Variants in MICAL3 observed in about 807,000 individuals in gnomAD.
MICAL3 encodes the protein [F-actin]-monooxygenase MICAL3.
A neutral mutation model predicts 207.4 loss-of-function variants in MICAL3; 62 were observed. The ratio of observed to expected loss-of-function variants is 0.30; its 90% CI spans 0.24 to 0.37. The LOEUF (loss-of-function observed/expected upper bound fraction) is 0.37, where lower values mean the gene tolerates loss of function less well. Ranked by LOEUF, MICAL3 falls within the 10% of genes least tolerant of loss-of-function variation. The pLI is 1.00. For missense variants in MICAL3, 2,368 were observed against 2,635.6 expected, an observed-to-expected ratio of 0.90 and a Z score of 2.22; for synonymous variants, 1,077 against 1,069.3, an observed-to-expected ratio of 1.01 and a Z score of -0.14.
chr22:17,848,302 T>C (rs941847063), intron 19 of MICAL3, among the ~76,000 whole-genome samples: 2 of 152,180 alleles, frequency 1.3e-5, no homozygotes, highest in African/African-American at 4.8e-5. Flanking sequence ...TCCATCTGTT[T>C]GATCCCGTTC....
Position 17,902,706 on chromosome 22 carries a change from T to C in MICAL3, c.514A>G (p.Ile172Val). ...LQLILLKVAL[I>V]LGIEIHVNVE... ...TTGACGTGGATTTCAATGCCTAGGATCAAGGCTACTTTCAAAAGTATTAGT... is the reference window on the plus strand; with the variant it reads ...TTGACGTGGATTTCAATGCCTAGGACCAAGGCTACTTTCAAAAGTATTAGT... Residue 172 changes from isoleucine (I) to valine (V), a missense_variant, in exon 4 of 32, where the codon ATC becomes GTC. By Grantham distance (29) the Ile-to-Val change is conservative. Around this residue, in one of 4 missense-constraint regions of MICAL3, gnomAD observed 400 missense variants for 547.0 expected, o/e 0.73. Coordinates refer to ENST00000441493, the MANE Select transcript of MICAL3 (RefSeq NM_015241.3). This position sits in a 1 kb window ranked among gnomAD's most constrained non-coding sequence, Gnocchi z 4.5. 6.2e-7 allele frequency: 1 copy of C among 1,605,462 alleles called. No homozygotes were observed. Among genetic ancestry groups the C allele is most frequent in the Non-Finnish European group, 8.5e-7 (1 of 1,175,328 alleles).
chr22:17,963,079 T>C (rs868354451), intron 1 of MICAL3, among the ~76,000 whole-genome samples: 1 of 152,112 alleles, frequency 6.6e-6, no homozygotes, highest in Non-Finnish European at 1.5e-5. Flanking sequence ...TTCCAATCAA[T>C]AATTTAACTT....
intron 29 of MICAL3, among the ~76,000 whole-genome samples, chr22:17,795,460 G>C (rs369810863): frequency 4.5e-4 from 69 of 152,338 alleles, no homozygotes; most frequent in African/African-American, 1.6e-3. Context: ...GCAGGCGCCT[G>C]CACGGGTAAT....
In MICAL3 at chr22:17,976,587, A is replaced by ATTTTTTT. The variant is rs1204825142; in HGVS notation, c.-75+47693_-75+47694insAAAAAAA. On this transcript the variant is annotated intron_variant, in intron 1 of 31. Coordinates refer to ENST00000441493, the MANE Select transcript of MICAL3 (RefSeq NM_015241.3). ...TATATATATATATATATATATATAT[A>ATTTTTTT]TATTTTTTTTTTTTTTTTTTGAGAC... Among the ~76,000 whole-genome samples, 6 of 80,294 alleles carry ATTTTTTT rather than the reference A, an allele frequency of 7.5e-5. No individual in the cohort carries two copies. In the East Asian group the frequency reaches 1.4e-3, roughly 18 times the overall value. The allele number at this position is 80,294 out of a possible 152,430, so 52.7% of individuals were successfully genotyped here.
At chr22:17,802,030 G>A (rs994478936) in intron 29 of MICAL3, among the ~76,000 whole-genome samples, 2 of 151,968 alleles carry the variant, frequency 1.3e-5, no homozygotes, top group Admixed American at 1.3e-4. Flanking sequence ...GCGTTCTGAC[G>A]GCCCCTTCCA....
intron 1 of MICAL3, among the ~76,000 whole-genome samples, chr22:17,994,538 G>A (rs1213660796): frequency 6.6e-6 from 1 of 152,162 alleles, no homozygotes; most frequent in Non-Finnish European, 1.5e-5. Flanking sequence ...CACAGAGAGA[G>A]CTTGTCTCTC....
chr22:17,902,451 C>G lies in MICAL3; in HGVS notation c.589+180G>C, dbSNP rs1931402036. 6.6e-6 allele frequency among the ~76,000 whole-genome samples: 1 copy of G among 152,202 alleles called. No individual in the cohort carries two copies. Among genetic ancestry groups the G allele is most frequent in the Admixed American group, 6.5e-5 (1 of 15,282 alleles). Reference sequence around the variant, plus strand: ...AGCCTTGCAGAGGGCTCACGGGGCCCTTCCCACCACATGTGCGCCTGCGAC... The same window carrying G: ...AGCCTTGCAGAGGGCTCACGGGGCCGTTCCCACCACATGTGCGCCTGCGAC... On this transcript the variant is annotated intron_variant, in intron 4 of 31. Transcript: ENST00000441493. This position sits in a 1 kb window ranked among gnomAD's most constrained non-coding sequence, Gnocchi z 4.5.
At chr22:17,876,717 G>GTTATGGAGGTTAGGGAGC (rs1213666154) in intron 16 of MICAL3, 2 of 150,888 alleles carry the variant, frequency 1.3e-5, no homozygotes, top group African/African-American at 5.0e-5. Flanking sequence ...GGTTAGGGAG[G>GTTATGGAGGTTAGGGAGC]TTATGGAGGT....
chr22:17,900,791 C>A lies in MICAL3; in HGVS notation c.847+51G>T. On this transcript the variant is annotated intron_variant, in intron 6 of 31. Coordinates refer to ENST00000441493, the MANE Select transcript of MICAL3 (RefSeq NM_015241.3). This position sits in a 1 kb window ranked among gnomAD's most constrained non-coding sequence, Gnocchi z 4.0. ...CACCAATCCCCCAAGAAAAAGCCAC[C>A]AGGGACTATTTAAGTTTCTATCCTA... 1 of 1,579,514 alleles carries A rather than the reference C, an allele frequency of 6.3e-7. No homozygotes were observed. The highest frequency in any genetic ancestry group is 1.4e-5 in the African/African-American group (1 of 74,008).
At chr22:17,979,797 A>C (rs116176873) in intron 1 of MICAL3, among the ~76,000 whole-genome samples, 7,597 of 151,652 alleles carry the variant, frequency 0.05, 598 homozygotes, top group African/African-American at 0.17. Flanking sequence ...AAAAAAACAA[A>C]AAAAAAACCC....
chr22:17,815,407 G>A (rs1053157832), intron 27 of MICAL3: 14 of 152,430 alleles, frequency 9.2e-5, no homozygotes, highest in African/African-American at 3.1e-4. Context: ...GAGGCAGTGA[G>A]CTTGGGACCA....
intron 1 of MICAL3, among the ~76,000 whole-genome samples, chr22:17,918,780 C>G (rs1361432938): frequency 6.6e-6 from 1 of 152,150 alleles, no homozygotes; most frequent in Non-Finnish European, 1.5e-5. Flanking sequence ...TCTGCAGCTC[C>G]TTTTGTCTAA....
At chr22:17,801,252 A>T (rs2061936443) in intron 29 of MICAL3, among the ~76,000 whole-genome samples, 1 of 68,932 alleles carries the variant, frequency 1.5e-5, no homozygotes, top group South Asian at 4.5e-4. Context: ...TCCCGGGTTC[A>T]CGCCATTCTC....
chr22:17,863,361 G>A (rs1926717257), intron 19 of MICAL3: 3 of 985,162 alleles, frequency 3.0e-6, no homozygotes, highest in Non-Finnish European at 2.4e-6. Context: ...TAATAAGGTG[G>A]TGCTCTCTCC....
chr22:17,966,112 TCAGA>T (rs922427116), intron 1 of MICAL3, among the ~76,000 whole-genome samples: 1 of 152,208 alleles, frequency 6.6e-6, no homozygotes, highest in African/African-American at 2.4e-5. Flanking sequence ...TTCATCATTC[TCAGA>T]CAGAACCCTC....
rs376597984 is a variant in MICAL3 at position 17,817,505 on chromosome 22, C to T, written c.5156G>A (p.Arg1719Gln). ...KKEKKSKGEG[R>Q]PPEKPSSNLL... ...GTTGGAGCTGGGCTTCTCCGGGGGC[C>T]GGCCCTCGCCTTTGGACTTCTTCTC... is the stretch of plus-strand genomic sequence containing the variant. The change falls in exon 26 of 32, where the codon CGG becomes CAG. Residue 1719 changes from arginine (R) to glutamine (Q), a missense_variant. Arg to Gln is a conservative substitution (Grantham distance 43, BLOSUM62 1). Transcript: ENST00000441493. The T allele has an allele frequency of 1.3e-5, 21 of 1,613,522 alleles. No individual in the cohort carries two copies. In the Admixed American group the frequency reaches 1.3e-4, roughly 10 times the overall value.
At chr22:17,991,199 G>C (rs1306895362) in intron 1 of MICAL3, among the ~76,000 whole-genome samples, 1 of 152,228 alleles carries the variant, frequency 6.6e-6, no homozygotes, top group Non-Finnish European at 1.5e-5. Flanking sequence ...TGACAGGCCT[G>C]GGAGGCTGCA....
intron 1 of MICAL3, among the ~76,000 whole-genome samples, chr22:18,007,964 G>C (rs1362232914): frequency 3.3e-5 from 5 of 149,540 alleles, no homozygotes; most frequent in Non-Finnish European, 7.4e-5. Context: ...TGATGGGCTG[G>C]GTACGGTGGT....
chr22:17,908,682 A>G (rs1292966407), intron 1 of MICAL3, among the ~76,000 whole-genome samples: 2 of 152,198 alleles, frequency 1.3e-5, no homozygotes, highest in Admixed American at 1.3e-4. Flanking sequence ...CTCTCATCAC[A>G]ATGGCCCAGC....
Sources: gnomAD v4.1 joint callset for allele counts (sites outside exome capture counted in the v4.1 genomes callset) on GRCh38, gnomAD v4.1.1 for gene constraint, gnomAD v4.1.1 regional missense constraint, Gnocchi (gnomAD v3.1) non-coding constraint, MANE v1.5 for transcripts, NCBI Gene and HGNC (gene_info 2026-07-23, HGNC 2026-07-21) for gene names.